The following ANO2 variants were observed in gnomAD, a reference collection of about 807,000 sequenced individuals.
The protein encoded by ANO2 is anoctamin 2.
In ANO2, 101 loss-of-function variants were observed where a neutral mutation model predicts 124.2. That is an observed-to-expected ratio of 0.81 (90% CI 0.69 to 0.96). ANO2 has a LOEUF of 0.96. Ranked by LOEUF, ANO2 falls within the 40% of genes least tolerant of loss-of-function variation. The pLI is 0.00. For synonymous variants in ANO2, 486 were observed against 482.5 expected (o/e 1.01, Z -0.09); for missense variants, 1,293 against 1,274.5 (o/e 1.01, Z -0.22).
In ANO2 at chr12:5,635,286, G is replaced by A. The variant is rs1413699658; in HGVS notation, c.1682C>T (p.Ala561Val). 1 of 1,610,144 alleles carries A rather than the reference G, an allele frequency of 6.2e-7. No homozygotes were observed. The highest frequency in any genetic ancestry group is 8.5e-7 in the Non-Finnish European group (1 of 1,178,938). Residue 561 changes from alanine (A) to valine (V), a missense_variant, in exon 16 of 25, where the codon GCT becomes GTT. Ala to Val is a moderately conservative substitution (Grantham distance 64). Coordinates refer to ENST00000682330, the MANE Select transcript of ANO2 (RefSeq NM_001364791.2). This position sits in a 1 kb window ranked among gnomAD's most constrained non-coding sequence, Gnocchi z 5.2. ...GCGTGTAGCCTTATTGAGAGACAGAGCGGCTGCAGTTGTTATTCGATACAC... is the reference window on the plus strand; with the variant it reads ...GCGTGTAGCCTTATTGAGAGACAGAACGGCTGCAGTTGTTATTCGATACAC... ...VIVYRITTAA[A>V]LSLNKATRSN...
chr12:5,660,651 CT>C (rs1365807504), intron 14 of ANO2, among the ~76,000 whole-genome samples: 2 of 152,012 alleles, frequency 1.3e-5, no homozygotes, highest in Non-Finnish European at 2.9e-5. Context: ...TCCTAACTGG[CT>C]TTTTAAGGAA....
chr12:5,640,787 T>C (rs1946328896), intron 15 of ANO2, among the ~76,000 whole-genome samples: 1 of 152,198 alleles, frequency 6.6e-6, no homozygotes, highest in Admixed American at 6.5e-5. Flanking sequence ...GAGCGTGAAC[T>C]AGTTCAACGA....
chr12:5,693,561 T>TA (rs1258630819), intron 14 of ANO2, among the ~76,000 whole-genome samples: 4 of 152,120 alleles, frequency 2.6e-5, no homozygotes, highest in African/African-American at 7.2e-5. Context: ...TCAGAAATAT[T>TA]AGACTCATCC....
At chr12:5,569,806 G>C (rs571655277) in intron 23 of ANO2, among the ~76,000 whole-genome samples, 14 of 152,262 alleles carry the variant, frequency 9.2e-5, no homozygotes, top group African/African-American at 3.4e-4. Context: ...AGGTGAATAT[G>C]ATTTCCGGAG....
chr12:5,778,480 G>A lies in ANO2; in HGVS notation c.1055+21027C>T, dbSNP rs540651474. Among the ~76,000 whole-genome samples the A allele has an allele frequency of 1.5e-4, 23 of 152,212 alleles. No homozygotes were observed. In the East Asian group the frequency reaches 4.2e-3, roughly 28 times the overall value. On this transcript the variant is annotated intron_variant, in intron 10 of 24. Coordinates refer to ENST00000682330, the MANE Select transcript of ANO2 (RefSeq NM_001364791.2). ...AATAAATGAACAAGTACAAATGATG[G>A]GTCTTGCTGCTGATGTTTATACCAT... is the stretch of plus-strand genomic sequence containing the variant.
intron 16 of ANO2, among the ~76,000 whole-genome samples, chr12:5,628,086 T>C (rs949430281): frequency 3.3e-5 from 5 of 152,054 alleles, no homozygotes. Flanking sequence ...GGCAACAGAG[T>C]GAGACCCTGT....
chr12:5,563,172 C>G lies in ANO2; in HGVS notation c.*127G>C. 1 of 1,251,060 alleles carries G rather than the reference C, an allele frequency of 8.0e-7. No individual in the cohort carries two copies. Among genetic ancestry groups the G allele is most frequent in the African/African-American group, 1.5e-5 (1 of 66,182 alleles). 77.5% of individuals were successfully genotyped at this position (1,251,060 alleles called of 1,614,324 possible). Reference sequence around the variant, plus strand: ...AGGCTCTTTCTTTTTACACACTGCCCCCTCTTCAAGACCCCATCAAGCCAG... The same window carrying G: ...AGGCTCTTTCTTTTTACACACTGCCGCCTCTTCAAGACCCCATCAAGCCAG... On this transcript the variant is annotated 3_prime_UTR_variant, in exon 25 of 25. Coordinates refer to ENST00000682330, the MANE Select transcript of ANO2 (RefSeq NM_001364791.2).
At chr12:5,844,292 C>T (rs1177607739) in intron 4 of ANO2, among the ~76,000 whole-genome samples, 2 of 152,164 alleles carry the variant, frequency 1.3e-5, no homozygotes, top group Admixed American at 1.3e-4. Context: ...AGCAGTCCAG[C>T]ATGGGTAAAC....
intron 20 of ANO2, among the ~76,000 whole-genome samples, chr12:5,589,788 G>C (rs1457576147): frequency 6.6e-6 from 1 of 152,280 alleles, no homozygotes; most frequent in South Asian, 2.1e-4. Context: ...GGCCGGGAGA[G>C]CACTCAGGAC....
intron 14 of ANO2, among the ~76,000 whole-genome samples, chr12:5,673,286 C>T (rs1948094400): frequency 6.6e-6 from 1 of 152,198 alleles, no homozygotes; most frequent in Admixed American, 6.5e-5. Flanking sequence ...TAGCTCAGTG[C>T]AGAACCAGAA....
rs1175312810 is a variant in ANO2, at chr12:5,906,331, A to G, written c.534+14709T>C. 2.7e-5 allele frequency among the ~76,000 whole-genome samples: 4 copies of G among 148,930 alleles called. No homozygotes were observed. In the Admixed American group the frequency reaches 2.7e-4, roughly 10 times the overall value. ...AGCACTAAAGGCTATTATATTATCA[A>G]TATGTCACACATTGTTAAAAAAAAA... On this transcript the variant is annotated intron_variant, in intron 3 of 24. Transcript: ENST00000682330.
rs562592825 is a variant in ANO2 at position 5,901,602 on chromosome 12, C to T, written c.534+19438G>A. On this transcript the variant is annotated intron_variant, in intron 3 of 24. Transcript: ENST00000682330. ...GTGACCTTCAAGCATCTGATGCACA[C>T]GACTGCATGATTCTGCAGAATACGG... is the stretch of plus-strand genomic sequence containing the variant. 5.3e-5 allele frequency among the ~76,000 whole-genome samples: 8 copies of T among 152,316 alleles called. No individual in the cohort carries two copies. In the East Asian group the frequency reaches 7.7e-4, roughly 15 times the overall value.
rs995279272 is a variant in ANO2 at position 5,900,076 on chromosome 12, A to T, written c.534+20964T>A. On this transcript the variant is annotated intron_variant, in intron 3 of 24. Transcript: ENST00000682330. The surrounding 1 kb of genome is among the most constrained non-coding windows in gnomAD (Gnocchi z 4.2). ...GGAAGCAAGAGAATTGGGAAGGGGG[A>T]CAGGATGCATGAGTTCCGTTTTTCA... 5.9e-5 allele frequency among the ~76,000 whole-genome samples: 9 copies of T among 152,300 alleles called. No homozygotes were observed. Among genetic ancestry groups the T allele is most frequent in the African/African-American group, 2.2e-4 (9 of 41,576 alleles).
At chr12:5,590,565 C>T (rs776502046) in intron 20 of ANO2, among the ~76,000 whole-genome samples, 8 of 152,262 alleles carry the variant, frequency 5.3e-5, no homozygotes, top group South Asian at 2.1e-4. Context: ...TTTGAAGTCT[C>T]GAGACAAGCC....
chr12:5,923,014 A>G (rs1050502920), intron 1 of ANO2, among the ~76,000 whole-genome samples: 2 of 151,846 alleles, frequency 1.3e-5, no homozygotes, highest in African/African-American at 4.8e-5. Flanking sequence ...GACTGCATAC[A>G]CACACGCACA....
chr12:5,722,249 G>A (rs995566887), intron 14 of ANO2, among the ~76,000 whole-genome samples: 1 of 152,224 alleles, frequency 6.6e-6, no homozygotes, highest in Non-Finnish European at 1.5e-5. Flanking sequence ...GCTCACGCCT[G>A]TAATCCCAGC....
At chr12:5,843,233 A>C (rs1267893403) in intron 4 of ANO2, among the ~76,000 whole-genome samples, 1 of 152,200 alleles carries the variant, frequency 6.6e-6, no homozygotes, top group Non-Finnish European at 1.5e-5. Context: ...CCCACGACCG[A>C]GGATCTGCAA....
chr12:5,806,919 T>C (rs1421926645), intron 8 of ANO2, among the ~76,000 whole-genome samples: 2 of 152,204 alleles, frequency 1.3e-5, no homozygotes, highest in African/African-American at 2.4e-5. Context: ...CGTCTGACAG[T>C]CCAGGTTAGG....
In ANO2 at chr12:5,822,032, G is replaced by A. The variant is rs142358967; in HGVS notation, c.892+5737C>T. On this transcript the variant is annotated intron_variant, in intron 7 of 24. Coordinates refer to ENST00000682330, the MANE Select transcript of ANO2 (RefSeq NM_001364791.2). ...GTTCACAGATGGGTCTGCACAATAC[G>A]CAGGCACCACCCAAAAGTGGACAGC... Among the ~76,000 whole-genome samples the A allele has an allele frequency of 1.6e-4, 24 of 152,248 alleles. No individual in the cohort carries two copies. The East Asian group carries it at 4.1e-3, about 26-fold the overall frequency.
Sources: gnomAD v4.1 joint callset for allele counts (sites outside exome capture counted in the v4.1 genomes callset) on GRCh38, gnomAD v4.1.1 for gene constraint, Gnocchi (gnomAD v3.1) non-coding constraint, MANE v1.5 for transcripts, NCBI Gene and HGNC (gene_info 2026-07-23, HGNC 2026-07-21) for gene names.